PRR14L: variants seen among roughly 807,000 people sequenced by gnomAD.
The protein encoded by PRR14L is protein PRR14L.
PRR14L carries 80 observed loss-of-function variants against 155.0 expected under a neutral mutation model. The observed-to-expected ratio is 0.52, with a 90% CI of 0.43 to 0.62. PRR14L has a LOEUF of 0.62. Ranked by LOEUF, PRR14L falls within the 20% of genes least tolerant of loss-of-function variation. The pLI is 0.00. For synonymous variants in PRR14L, 883 were observed against 916.0 expected, an observed-to-expected ratio of 0.96 and a Z score of 0.65; for missense variants, 2,469 against 2,548.0, an observed-to-expected ratio of 0.97 and a Z score of 0.67.
At chr22:31,694,889 C>T (rs2074528338) in intron 7 of PRR14L, among the ~76,000 whole-genome samples, 1 of 152,052 alleles carries the variant, frequency 6.6e-6, no homozygotes, top group African/African-American at 2.4e-5. Flanking sequence ...TTAAAACCAT[C>T]CTGGCCAAAA....
Position 31,699,141 on chromosome 22 carries a change from ACT to A in PRR14L, c.6107+2513_6107+2514del, listed in dbSNP as rs562789059. Among the ~76,000 whole-genome samples the A allele has an allele frequency of 3.9e-3, 592 of 151,362 alleles. 3 individuals are homozygous for A. Among genetic ancestry groups the A allele is most frequent in the African/African-American group, 0.014 (562 of 41,228 alleles). The stretch of plus-strand genomic sequence containing the variant: ...AACCTCCGCCTCCCGGGTTCAAGCG[ACT>A]CTCCTGCCTCAGCCTCCCGAGTAGC... On this transcript the variant is annotated intron_variant, in intron 7 of 8. Transcript: ENST00000327423.
rs1260235587 is a variant in PRR14L, at chr22:31,683,129, G to C, written c.*2398C>G. 1 of 152,292 alleles carries C rather than the reference G, an allele frequency of 6.6e-6. No individual in the cohort carries two copies. Among genetic ancestry groups the C allele is most frequent in the Non-Finnish European group, 1.5e-5 (1 of 68,104 alleles). The allele number at this position is 152,292 out of a possible 1,614,324, so 9.4% of individuals were successfully genotyped here. On this transcript the variant is annotated 3_prime_UTR_variant, in exon 9 of 9. Coordinates refer to ENST00000327423, the MANE Select transcript of PRR14L (RefSeq NM_173566.3). ...TCCTCTCCTACATTGTCAGGACAGGGAAGGAGCCCAGCTCTGTTTCTTCCA... is the reference window on the plus strand; with the variant it reads ...TCCTCTCCTACATTGTCAGGACAGGCAAGGAGCCCAGCTCTGTTTCTTCCA...
intron 3 of PRR14L, among the ~76,000 whole-genome samples, chr22:31,718,998 C>G (rs1888102380): frequency 6.6e-6 from 1 of 151,364 alleles, no homozygotes; most frequent in Admixed American, 6.6e-5. Flanking sequence ...CGCTTGAATC[C>G]AGGAGGCGGA....
At chr22:31,702,234 A>T (rs1408391661) in intron 6 of PRR14L, among the ~76,000 whole-genome samples, 1 of 151,738 alleles carries the variant, frequency 6.6e-6, no homozygotes, top group Non-Finnish European at 1.5e-5. Context: ...TTATTTATTT[A>T]TTTTTTTGAT....
At position 31,747,706 on chromosome 22, in the gene PRR14L, G is replaced by GGC. The variant is rs1485306286; in HGVS notation, c.-52+2285_-52+2286dup. 5.3e-5 allele frequency among the ~76,000 whole-genome samples: 8 copies of GGC among 151,462 alleles called. 1 individual carries two copies. Among genetic ancestry groups the GGC allele is most frequent in the South Asian group, 4.2e-4 (2 of 4,778 alleles). ...CTAATCCCCTCTGCAATTACTCAAC[G>GGC]GCGTTTGAGGTAATTTAAGAACACT... On this transcript the variant is annotated intron_variant, in intron 1 of 8. Transcript: ENST00000327423.
intron 3 of PRR14L, among the ~76,000 whole-genome samples, chr22:31,718,621 A>G (rs889608470): frequency 4.6e-5 from 7 of 152,196 alleles, no homozygotes; most frequent in African/African-American, 1.7e-4. Context: ...GCTGGTCTCA[A>G]ACTCTCGACC....
At chr22:31,746,940 G>T (rs1380718187) in intron 1 of PRR14L, among the ~76,000 whole-genome samples, 1 of 151,688 alleles carries the variant, frequency 6.6e-6, no homozygotes, top group African/African-American at 2.4e-5. Context: ...GGGACTACAG[G>T]TGCCCGCCAC....
chr22:31,739,278 C>A (rs116743527), intron 1 of PRR14L, among the ~76,000 whole-genome samples: 1 of 152,088 alleles, frequency 6.6e-6, no homozygotes, highest in African/African-American at 2.4e-5. Context: ...TGGGCATGAA[C>A]CTTACCTTTT....
chr22:31,712,399 C>T lies in PRR14L; in HGVS notation c.5440G>A (p.Asp1814Asn). The T allele has an allele frequency of 6.3e-7, 1 of 1,593,208 alleles. No individual in the cohort carries two copies. The highest frequency in any genetic ancestry group is 1.1e-5 in the South Asian group (1 of 89,056). Residue 1814 changes from aspartate to asparagine, a missense_variant, in exon 4 of 9, where the codon GAC (aspartate) becomes AAC (asparagine). By Grantham distance (23) the Asp-to-Asn change is conservative. Transcript: ENST00000327423. Reference sequence around the variant, plus strand: ...GTGTGAAGGCCAAGGACAGAGCAGTCTGCTCTGGTCTGGACTATGGCAGTG... The same window carrying T: ...GTGTGAAGGCCAAGGACAGAGCAGTTTGCTCTGGTCTGGACTATGGCAGTG... ...GGTAIVQTRA[D>N]CSVLGLHTLL... is the part of the protein sequence containing the mutation.
At chr22:31,711,097 T>C (rs902982283) in intron 4 of PRR14L, among the ~76,000 whole-genome samples, 10 of 152,212 alleles carry the variant, frequency 6.6e-5, no homozygotes, top group Admixed American at 4.6e-4. Flanking sequence ...AAGGAGATAA[T>C]GTTACAAGCG....
At position 31,713,597 on chromosome 22, in the gene PRR14L, T is replaced by A. The variant is rs1265100004; in HGVS notation, c.4242A>T (p.Ile1414=). The change falls in exon 4 of 9, where the codon ATA becomes ATT. Residue 1414 remains isoleucine, a synonymous_variant. Coordinates refer to ENST00000327423, the MANE Select transcript of PRR14L (RefSeq NM_173566.3). Reference sequence around the variant, plus strand: ...GACTAGATGATATGCACTGTTGCGATATCGTATGTGCTTTTTGTTGACGTA... The same window carrying A: ...GACTAGATGATATGCACTGTTGCGAAATCGTATGTGCTTTTTGTTGACGTA... ...KYIRQQKAHT[I]SQQCISSSLL... 4.5e-6 allele frequency: 7 copies of A among 1,551,934 alleles called. No homozygotes were observed. The African/African-American group carries it at 8.2e-5, about 18-fold the overall frequency.
intron 4 of PRR14L, among the ~76,000 whole-genome samples, chr22:31,707,772 A>C (rs1033861223): frequency 6.6e-6 from 1 of 152,224 alleles, no homozygotes; most frequent in Non-Finnish European, 1.5e-5. Context: ...AGTAGACAAT[A>C]AAAGCAGTAC....
At position 31,746,795 on chromosome 22, in the gene PRR14L, C is replaced by CTT. The variant is rs770907499; in HGVS notation, c.-52+3196_-52+3197dup. Among the ~76,000 whole-genome samples, 57 of 131,252 alleles carry CTT rather than the reference C, an allele frequency of 4.3e-4. 1 individual carries two copies. The highest frequency in any genetic ancestry group is 8.6e-4 in the East Asian group (4 of 4,666). 86.1% of individuals were successfully genotyped at this position (131,252 alleles called of 152,430 possible). Reference sequence around the variant, plus strand: ...ACGCACAAATACTTCTCCCAGCAGTCTTTTTTTTTTTTTTTTTTTGAGACG... The same window carrying CTT: ...ACGCACAAATACTTCTCCCAGCAGTCTTTTTTTTTTTTTTTTTTTTTGAGACG... On this transcript the variant is annotated intron_variant, in intron 1 of 8. Coordinates refer to ENST00000327423, the MANE Select transcript of PRR14L (RefSeq NM_173566.3).
At chr22:31,744,813 G>A (rs2074829394) in intron 1 of PRR14L, among the ~76,000 whole-genome samples, 1 of 152,014 alleles carries the variant, frequency 6.6e-6, no homozygotes, top group Non-Finnish European at 1.5e-5. Context: ...ACAAATACAG[G>A]TTTACTAAAC....
intron 2 of PRR14L, among the ~76,000 whole-genome samples, chr22:31,736,374 G>A (rs867992908): frequency 4.3e-5 from 6 of 139,652 alleles, no homozygotes; most frequent in South Asian, 2.2e-4. Context: ...CAATAAGAGC[G>A]AAACTCTGTC....
chr22:31,749,001 G>A (rs893558690), intron 1 of PRR14L, among the ~76,000 whole-genome samples: 7 of 152,120 alleles, frequency 4.6e-5, no homozygotes, highest in South Asian at 2.1e-4. Flanking sequence ...AGGCTGCGAG[G>A]GGCATGCATG....
At chr22:31,692,439 A>C (rs937916448) in intron 7 of PRR14L, among the ~76,000 whole-genome samples, 2 of 152,116 alleles carry the variant, frequency 1.3e-5, no homozygotes, top group African/African-American at 2.4e-5. Context: ...GCATCTCTTC[A>C]AATGCTTGTG....
chr22:31,739,829 C>A (rs1156637169), intron 1 of PRR14L, among the ~76,000 whole-genome samples: 1 of 152,174 alleles, frequency 6.6e-6, no homozygotes, highest in African/African-American at 2.4e-5. Context: ...TAATACTGCA[C>A]TATACAAGTA....
chr22:31,717,433 C>T (rs2074666589), intron 3 of PRR14L, 142 bp from the exon 4 acceptor site: 7 of 657,890 alleles, frequency 1.1e-5, no homozygotes, highest in Non-Finnish European at 1.8e-5. Context: ...GCATGCTATA[C>T]CATTGATTTT....
Sources: allele counts gnomAD v4.1 joint callset (sites outside exome capture counted in the v4.1 genomes callset), GRCh38; gene constraint gnomAD v4.1.1; transcripts MANE v1.5; gene names NCBI Gene and HGNC (gene_info 2026-07-23, HGNC 2026-07-21).